DRC11L: variants seen among roughly 807,000 people sequenced by gnomAD.
DRC11L encodes the protein dynein regulatory complex subunit 11 like.
At chr7:151,201,154 G>A in the DRC11L span, among the ~76,000 whole-genome samples, 41 of 152,332 alleles carry the variant, frequency 2.7e-4, no homozygotes, top group Admixed American at 9.1e-4. This position sits in a 1 kb window ranked among gnomAD's most constrained non-coding sequence, Gnocchi z 4.1. Context: ...GTCAGGGCCC[G>A]GGCCAGCCAG....
chr7:151,204,795 T>C, the DRC11L span: 14 of 399,120 alleles, frequency 3.5e-5, no homozygotes, highest in East Asian at 4.3e-4. Flanking sequence ...CAGCAGCTCC[T>C]GCAGGGTCGC....
At chr7:151,194,763 A>T in the DRC11L span, among the ~76,000 whole-genome samples, 1 of 152,208 alleles carries the variant, frequency 6.6e-6, no homozygotes, top group African/African-American at 2.4e-5. Context: ...GTGCCTGCAA[A>T]CAGGCAGAAT....
At chr7:151,204,459 C>T in the DRC11L span, 249 of 398,972 alleles carry the variant, frequency 6.2e-4, 3 homozygotes, top group South Asian at 0.019. Flanking sequence ...CCCACCTCTC[C>T]CCTCCCGCTA....
At chr7:151,191,060 T>C in the DRC11L span, 1 of 399,394 alleles carries the variant, frequency 2.5e-6, no homozygotes, top group Non-Finnish European at 4.4e-6. Flanking sequence ...ATGCTCTTCT[T>C]GCCCAGTGGG....
At chr7:151,191,754 C>G in the DRC11L span, 1 of 399,196 alleles carries the variant, frequency 2.5e-6, no homozygotes, top group Non-Finnish European at 4.4e-6. Context: ...TCACTCAGCA[C>G]CGATTGGATG....
At chr7:151,192,686 G>C in the DRC11L span, 1 of 399,172 alleles carries the variant, frequency 2.5e-6, no homozygotes, top group Non-Finnish European at 4.4e-6. Context: ...AGGCCTTCCA[G>C]CTTAGCCCCA....
At chr7:151,195,720 AGCAG>A in the DRC11L span, 30 of 399,168 alleles carry the variant, frequency 7.5e-5, no homozygotes, top group Non-Finnish European at 1.2e-4. Flanking sequence ...GTGGGAGAGG[AGCAG>A]GCAGGCAGGG....
chr7:151,204,466 G>T, the DRC11L span: 2 of 179,744 alleles, frequency 1.1e-5, no homozygotes, highest in East Asian at 2.6e-4. Context: ...CTCCCCTCCC[G>T]CTAGCTGGCT....
the DRC11L span, among the ~76,000 whole-genome samples, chr7:151,199,996 T>A: frequency 3.3e-5 from 5 of 152,210 alleles, no homozygotes; most frequent in Admixed American, 1.3e-4. The surrounding 1 kb of genome is among the most constrained non-coding windows in gnomAD (Gnocchi z 5.2). Flanking sequence ...CAGCCCCTGG[T>A]GTCTCCCCGT....
the DRC11L span, among the ~76,000 whole-genome samples, chr7:151,194,856 GC>G: frequency 6.6e-6 from 1 of 152,242 alleles, no homozygotes; most frequent in Non-Finnish European, 1.5e-5. Flanking sequence ...GGGGACAGGG[GC>G]CTCTGTGACA....
the DRC11L span, chr7:151,192,363 G>A: frequency 5.0e-5 from 20 of 399,288 alleles, no homozygotes; most frequent in African/African-American, 1.8e-4. Context: ...AGCTGTGGCC[G>A]GGAGGTTGTC....
the DRC11L span, chr7:151,198,752 C>A: frequency 2.5e-6 from 1 of 398,938 alleles, no homozygotes; most frequent in African/African-American, 2.1e-5. Flanking sequence ...GGACCCTGAG[C>A]GAAGGGAATG....
the DRC11L span, among the ~76,000 whole-genome samples, chr7:151,204,267 C>T: frequency 6.6e-6 from 1 of 152,228 alleles, no homozygotes; most frequent in South Asian, 2.1e-4. Context: ...GCCCTTCCTA[C>T]AAGGCCAAAC....
the DRC11L span, chr7:151,198,683 G>T: frequency 1.0e-5 from 4 of 397,486 alleles, no homozygotes; most frequent in Admixed American, 1.8e-4. Context: ...AGGAGAAAAG[G>T]CCCCATCTGG....
chr7:151,193,613 C>G, the DRC11L span: 1 of 398,368 alleles, frequency 2.5e-6, no homozygotes, highest in Middle Eastern at 6.3e-4. Flanking sequence ...GATCACAGGG[C>G]ATACTACCTT....
chr7:151,191,739 G>A, the DRC11L span: 4 of 399,176 alleles, frequency 1.0e-5, no homozygotes, highest in African/African-American at 2.1e-5. Flanking sequence ...TGCAGGAACC[G>A]CCGCTCACTC....
At chr7:151,200,111 C>T in the DRC11L span, among the ~76,000 whole-genome samples, 1 of 152,120 alleles carries the variant, frequency 6.6e-6, no homozygotes, top group Admixed American at 6.5e-5. Context: ...GGGGTGGGAA[C>T]ATGGGGTCCA....
At chr7:151,191,911 G>A in the DRC11L span, 3 of 399,248 alleles carry the variant, frequency 7.5e-6, no homozygotes, top group African/African-American at 6.2e-5. Flanking sequence ...GCCTGGAGGG[G>A]CAGTGGGCAC....
At chr7:151,198,333 G>A in the DRC11L span, among the ~76,000 whole-genome samples, 3 of 152,070 alleles carry the variant, frequency 2.0e-5, no homozygotes. Context: ...TGGATGGGCA[G>A]ATGGACAGAT....
Sources: gnomAD v4.1 joint callset for allele counts (sites outside exome capture counted in the v4.1 genomes callset) on GRCh38, gnomAD v4.1.1 for gene constraint, Gnocchi (gnomAD v3.1) non-coding constraint, MANE v1.5 for transcripts, NCBI Gene and HGNC (gene_info 2026-07-23, HGNC 2026-07-21) for gene names.